Variants in TNIK observed in about 807,000 individuals in gnomAD.
TNIK encodes the protein TRAF2 and NCK-interacting protein kinase.
A neutral mutation model predicts 191.3 loss-of-function variants in TNIK; 49 were observed. The observed-to-expected ratio is 0.26, with a 90% confidence interval of 0.20 to 0.32. The LOEUF is 0.32. TNIK is among the 10% of genes least tolerant of loss of function. TNIK has a pLI of 1.00. For synonymous variants in TNIK, 594 were observed against 600.9 expected, an observed-to-expected ratio of 0.99 and a Z score of 0.17; for missense variants, 1,155 against 1,702.3, an observed-to-expected ratio of 0.68 and a Z score of 5.66.
intron 2 of TNIK, among the ~76,000 whole-genome samples, chr3:171,320,849 A>C (rs1415559845): frequency 6.6e-6 from 1 of 152,224 alleles, no homozygotes; most frequent in Non-Finnish European, 1.5e-5. Flanking sequence ...GAGAAAACAC[A>C]TAGTTGGCTA....
At chr3:171,258,723 C>T (rs1747201501) in intron 2 of TNIK, among the ~76,000 whole-genome samples, 1 of 152,168 alleles carries the variant, frequency 6.6e-6, no homozygotes, top group Non-Finnish European at 1.5e-5. Context: ...CCTCCTTCTG[C>T]CCACTCCACC....
chr3:171,176,244 G>A (rs1449177786), intron 8 of TNIK, among the ~76,000 whole-genome samples: 1 of 152,180 alleles, frequency 6.6e-6, no homozygotes, highest in African/African-American at 2.4e-5. Flanking sequence ...TATTAGCATT[G>A]TGAATGAGGG....
At chr3:171,323,593 C>A (rs1219097665) in intron 2 of TNIK, among the ~76,000 whole-genome samples, 1 of 152,144 alleles carries the variant, frequency 6.6e-6, no homozygotes, top group Admixed American at 6.5e-5. Context: ...CCAATATGTT[C>A]ATTACAATTT....
chr3:171,246,844 G>A (rs1560316438), intron 2 of TNIK, among the ~76,000 whole-genome samples: 1 of 152,168 alleles, frequency 6.6e-6, no homozygotes, highest in Admixed American at 6.6e-5. Context: ...TGCGCAGATG[G>A]CCAAAAGTTC....
chr3:171,224,409 A>G (rs1742731859), intron 3 of TNIK, among the ~76,000 whole-genome samples: 2 of 152,044 alleles, frequency 1.3e-5, no homozygotes, highest in Non-Finnish European at 2.9e-5. Flanking sequence ...CTGTAAAGGG[A>G]CTACTTTACA....
chr3:171,422,680 C>T (rs918324442), intron 1 of TNIK, among the ~76,000 whole-genome samples: 4 of 152,098 alleles, frequency 2.6e-5, no homozygotes, highest in Admixed American at 2.6e-4. Flanking sequence ...ACCATGGGAC[C>T]CTAAGTTAGC....
At position 171,090,857 on chromosome 3, in the gene TNIK, G is replaced by T. The variant is rs903407291; in HGVS notation, c.2721+2982C>A. 9.9e-5 allele frequency among the ~76,000 whole-genome samples: 15 copies of T among 152,080 alleles called. 1 individual carries two copies. Among genetic ancestry groups the T allele is most frequent in the Non-Finnish European group, 1.5e-5 (1 of 68,012 alleles). On this transcript the variant is annotated intron_variant, in intron 23 of 32. Transcript: ENST00000436636. ...CTGACAGGATCATGAGTGTTAGAGT[G>T]GTATGTTCTTATAGAACCATCTAGT...
At position 171,061,108 on chromosome 3, in the gene TNIK, G is replaced by A. The variant is rs1486245456; in HGVS notation, c.*2773C>T. 6.6e-6 allele frequency among the ~76,000 whole-genome samples: 1 copy of A among 152,080 alleles called. No individual in the cohort carries two copies. The highest frequency in any genetic ancestry group is 2.4e-5 in the African/African-American group (1 of 41,408). ...AGAATTAAGGCAATTCAGAAAGTTT[G>A]GATGAGCCACAAGGACACCATTCTG... On this transcript the variant is annotated 3_prime_UTR_variant, in exon 33 of 33. Coordinates refer to ENST00000436636, the MANE Select transcript of TNIK (RefSeq NM_015028.4).
intron 2 of TNIK, among the ~76,000 whole-genome samples, chr3:171,326,184 A>T (rs543039496): frequency 6.6e-6 from 1 of 152,350 alleles, no homozygotes; most frequent in East Asian, 1.9e-4. Flanking sequence ...AGTGATCAGT[A>T]AAACCAAGAG....
chr3:171,351,258 T>G (rs1047682065), intron 2 of TNIK, among the ~76,000 whole-genome samples: 1 of 111,760 alleles, frequency 8.9e-6, no homozygotes, highest in African/African-American at 3.1e-5. Flanking sequence ...AAAATATATA[T>G]ATATATGTAT....
At chr3:171,073,367 T>G (rs1034200257) in intron 28 of TNIK, among the ~76,000 whole-genome samples, 1 of 152,152 alleles carries the variant, frequency 6.6e-6, no homozygotes, top group Non-Finnish European at 1.5e-5. Flanking sequence ...TCTCTTACCA[T>G]ATACAAAAAT....
At chr3:171,390,537 C>T (rs1032809148) in intron 1 of TNIK, among the ~76,000 whole-genome samples, 24 of 152,294 alleles carry the variant, frequency 1.6e-4, no homozygotes, top group Admixed American at 7.2e-4. Context: ...CACAGGGTCT[C>T]GCACACAGCC....
intron 2 of TNIK, among the ~76,000 whole-genome samples, chr3:171,309,340 G>C (rs1753781329): frequency 6.6e-6 from 1 of 152,056 alleles, no homozygotes; most frequent in Non-Finnish European, 1.5e-5. Context: ...TAATAAGTGA[G>C]AGCTAAACAT....
At chr3:171,248,539 G>C (rs1745869370) in intron 2 of TNIK, among the ~76,000 whole-genome samples, 1 of 152,176 alleles carries the variant, frequency 6.6e-6, no homozygotes, top group Non-Finnish European at 1.5e-5. Flanking sequence ...AAAGTTTCAT[G>C]GGGACTGAGA....
At chr3:171,191,496 C>T (rs1299129103) in intron 5 of TNIK, among the ~76,000 whole-genome samples, 1 of 152,160 alleles carries the variant, frequency 6.6e-6, no homozygotes, top group Non-Finnish European at 1.5e-5. Flanking sequence ...CTTCGGCCTC[C>T]CAAAGTGCTG....
At chr3:171,236,309 G>C (rs1744260408) in intron 2 of TNIK, among the ~76,000 whole-genome samples, 1 of 152,154 alleles carries the variant, frequency 6.6e-6, no homozygotes, top group Non-Finnish European at 1.5e-5. Context: ...AGAAGCTTAA[G>C]AAAAAAGAGG....
chr3:171,370,299 C>G (rs1411702442), intron 1 of TNIK, among the ~76,000 whole-genome samples: 2 of 152,204 alleles, frequency 1.3e-5, no homozygotes, highest in African/African-American at 4.8e-5. Context: ...GCAGTACCTG[C>G]TGAGTAACTG....
chr3:171,409,832 G>A (rs565258233), intron 1 of TNIK, among the ~76,000 whole-genome samples: 1 of 150,088 alleles, frequency 6.7e-6, no homozygotes, highest in South Asian at 2.2e-4. Context: ...TCCATCTTTA[G>A]TGCAAGCAGT....
chr3:171,447,680 A>G (rs1038701642), intron 1 of TNIK, among the ~76,000 whole-genome samples: 2 of 152,360 alleles, frequency 1.3e-5, no homozygotes, highest in African/African-American at 2.4e-5. Context: ...TTGGAAGCCA[A>G]TCTGGCAATA....
Sources: allele counts gnomAD v4.1 joint callset (sites outside exome capture counted in the v4.1 genomes callset), GRCh38; gene constraint gnomAD v4.1.1; transcripts MANE v1.5; gene names NCBI Gene and HGNC (gene_info 2026-07-23, HGNC 2026-07-21).